EPB41L2: variants seen among roughly 807,000 people sequenced by gnomAD.
EPB41L2 encodes band 4.1-like protein 2.
In EPB41L2, 43 loss-of-function variants were observed where a neutral mutation model predicts 113.0. The observed-to-expected ratio is 0.38, with a 90% CI of 0.30 to 0.49. The LOEUF is 0.49. Ranked by LOEUF, EPB41L2 falls within the 20% of genes least tolerant of loss-of-function variation. The pLI is 0.95. For missense variants in EPB41L2, 1,147 were observed against 1,223.4 expected (o/e 0.94, Z 0.93); for synonymous variants, 442 against 436.7 (o/e 1.01, Z -0.15).
In EPB41L2 at chr6:130,869,940, T is replaced by G; in HGVS notation, c.2230A>C (p.Ser744Arg). Reference sequence around the variant, plus strand: ...TCTTCCTCCTCACTCTCACTGCTGCTGCTGCTGCTCTCAGAAGACAGGGAG... The same window carrying G: ...TCTTCCTCCTCACTCTCACTGCTGCGGCTGCTGCTCTCAGAAGACAGGGAG... ...STSLSSESSS[S>R]SSESEEEDVG... Residue 744 changes from serine to arginine, a missense_variant, in exon 15 of 20, where the codon AGC becomes CGC. By Grantham distance (110) the Ser-to-Arg change is moderately radical (BLOSUM62 -1). Coordinates refer to ENST00000337057, the MANE Select transcript of EPB41L2 (RefSeq NM_001431.4). 6.2e-7 allele frequency: 1 copy of G among 1,613,378 alleles called. No homozygotes were observed. Among genetic ancestry groups the G allele is most frequent in the Non-Finnish European group, 8.5e-7 (1 of 1,180,036 alleles).
At chr6:130,980,514 T>C (rs1040441278) in intron 1 of EPB41L2, among the ~76,000 whole-genome samples, 6 of 146,042 alleles carry the variant, frequency 4.1e-5, no homozygotes, top group Admixed American at 6.9e-5. Context: ...TAATGGGAAA[T>C]AGACATCGGC....
rs755666135 is a variant in EPB41L2, at chr6:130,869,978, T to G, written c.2192A>C (p.Gln731Pro). Reference sequence around the variant, plus strand: ...AGAAGACAGGGAGGTGGAGTCTTTTTGTGTCACAGGCTCCACCTTACGAAT... The same window carrying G: ...AGAAGACAGGGAGGTGGAGTCTTTTGGTGTCACAGGCTCCACCTTACGAAT... ...GEIRKVEPVT[Q>P]KDSTSLSSES... Residue 731 changes from glutamine (Q) to proline (P), a missense_variant, in exon 15 of 20, where the codon CAA becomes CCA. Coordinates refer to ENST00000337057, the MANE Select transcript of EPB41L2 (RefSeq NM_001431.4). 2.5e-6 allele frequency: 4 copies of G among 1,613,838 alleles called. No individual in the cohort carries two copies. The highest frequency in any genetic ancestry group is 2.2e-5 in the South Asian group (2 of 91,054).
intron 18 of EPB41L2, among the ~76,000 whole-genome samples, chr6:130,859,675 T>C (rs1781397319): frequency 6.6e-6 from 1 of 151,736 alleles, no homozygotes; most frequent in African/African-American, 2.4e-5. Flanking sequence ...CTTGTTTGCA[T>C]GATAGTTTCT....
chr6:130,853,415 T>C (rs1480838724), intron 19 of EPB41L2, among the ~76,000 whole-genome samples: 1 of 152,210 alleles, frequency 6.6e-6, no homozygotes, highest in African/African-American at 2.4e-5. Context: ...CGTTTGGGAA[T>C]ACCACTGCAG....
chr6:130,990,680 T>G (rs1781616398), intron 1 of EPB41L2, among the ~76,000 whole-genome samples: 1 of 152,202 alleles, frequency 6.6e-6, no homozygotes, highest in African/African-American at 2.4e-5. Flanking sequence ...AATAAAGTGC[T>G]TTGTTTAGTG....
intron 14 of EPB41L2, among the ~76,000 whole-genome samples, chr6:130,873,257 AG>A (rs1228780535): frequency 6.6e-6 from 1 of 152,188 alleles, no homozygotes; most frequent in Non-Finnish European, 1.5e-5. Context: ...AAGCTCAATG[AG>A]CAACGTGAAA....
intron 18 of EPB41L2, among the ~76,000 whole-genome samples, chr6:130,861,472 T>C (rs142431126): frequency 1.3e-5 from 2 of 152,318 alleles, no homozygotes; most frequent in African/African-American, 4.8e-5. Context: ...AGCGATTTCA[T>C]CATTTAATTT....
chr6:131,034,396 C>G (rs1792865991), intron 1 of EPB41L2, among the ~76,000 whole-genome samples: 1 of 152,030 alleles, frequency 6.6e-6, no homozygotes, highest in Non-Finnish European at 1.5e-5. Context: ...TTGCCTGAGC[C>G]CAGGAATTCG....
intron 1 of EPB41L2, among the ~76,000 whole-genome samples, chr6:131,052,529 C>G (rs896130892): frequency 6.6e-6 from 1 of 152,168 alleles, no homozygotes; most frequent in East Asian, 1.9e-4. Flanking sequence ...TAGTTTAAAG[C>G]TGAACCAAGG....
intron 1 of EPB41L2, among the ~76,000 whole-genome samples, chr6:131,019,976 A>G (rs1789076595): frequency 6.6e-6 from 1 of 152,076 alleles, no homozygotes; most frequent in East Asian, 1.9e-4. Flanking sequence ...AACAACCACT[A>G]TTTTTTAGTC....
intron 3 of EPB41L2, among the ~76,000 whole-genome samples, chr6:130,952,071 A>G (rs1815314014): frequency 6.6e-6 from 1 of 152,220 alleles, no homozygotes; most frequent in Non-Finnish European, 1.5e-5. Flanking sequence ...ACAGTGATCA[A>G]ACAAATGCAA....
chr6:130,842,900 A>G (rs1242108197), intron 19 of EPB41L2, among the ~76,000 whole-genome samples: 4 of 152,198 alleles, frequency 2.6e-5, no homozygotes, highest in African/African-American at 9.7e-5. Flanking sequence ...AATATTATAA[A>G]TGATAACCTT....
chr6:130,856,397 G>C (rs905166212), intron 19 of EPB41L2, among the ~76,000 whole-genome samples: 1 of 152,216 alleles, frequency 6.6e-6, no homozygotes, highest in Non-Finnish European at 1.5e-5. Context: ...AAGCAGGCAA[G>C]AGAGGTGAAC....
At chr6:130,878,273 A>G (rs941255730) in intron 13 of EPB41L2, 23 bp from the exon 14 acceptor site, 1 of 1,581,784 alleles carries the variant, frequency 6.3e-7, no homozygotes, top group Non-Finnish European at 8.6e-7. Flanking sequence ...AACGTAACAA[A>G]GGGGGGAAAA....
chr6:131,029,778 A>C (rs1179809934), intron 1 of EPB41L2, among the ~76,000 whole-genome samples: 2 of 152,224 alleles, frequency 1.3e-5, no homozygotes, highest in Non-Finnish European at 2.9e-5. Flanking sequence ...AAACAGTTGA[A>C]AGTTGATCTT....
At chr6:131,062,447 T>C (rs1317097856) in intron 1 of EPB41L2, 2 of 151,952 alleles carry the variant, frequency 1.3e-5, no homozygotes, top group Non-Finnish European at 1.5e-5. Context: ...TGTGGTGAGA[T>C]GGCCTGGGTG....
intron 17 of EPB41L2, among the ~76,000 whole-genome samples, chr6:130,864,635 A>G (rs934065056): frequency 2.6e-5 from 4 of 152,232 alleles, no homozygotes; most frequent in Non-Finnish European, 4.4e-5. Flanking sequence ...CAACTCTGAT[A>G]AATGTACACT....
chr6:130,974,545 G>C (rs1777688712), intron 1 of EPB41L2, among the ~76,000 whole-genome samples: 1 of 151,960 alleles, frequency 6.6e-6, no homozygotes, highest in Non-Finnish European at 1.5e-5. Flanking sequence ...GATTTTGAAA[G>C]AGAACTATTA....
intron 1 of EPB41L2, among the ~76,000 whole-genome samples, chr6:131,049,533 T>C (rs1472797216): frequency 2.6e-5 from 4 of 152,196 alleles, no homozygotes; most frequent in Admixed American, 2.0e-4. Flanking sequence ...TTAGTAGCTT[T>C]TCTACCAGAG....
Sources: allele counts gnomAD v4.1 joint callset (sites outside exome capture counted in the v4.1 genomes callset), GRCh38; gene constraint gnomAD v4.1.1; transcripts MANE v1.5; gene names NCBI Gene and HGNC (gene_info 2026-07-23, HGNC 2026-07-21).